The following SCRN3 variants were observed in gnomAD, a reference collection of about 807,000 sequenced individuals.
SCRN3 encodes secernin 3, also known as secernin-3.
In SCRN3, 39 loss-of-function variants were observed where a neutral mutation model predicts 43.1. The observed-to-expected ratio is 0.91, with a 90% CI of 0.70 to 1.18. The LOEUF (loss-of-function observed/expected upper bound fraction) is 1.18. Among genes scored for constraint, SCRN3 ranks in the 50% most tolerant of loss-of-function variants. The pLI is 0.00. For synonymous variants in SCRN3, 147 were observed against 163.1 expected (o/e 0.90, Z 0.75); for missense variants, 484 against 498.0 (o/e 0.97, Z 0.27).
chr2:174,422,308 C>T (rs1686318531), intron 5 of SCRN3, among the ~76,000 whole-genome samples: 3 of 152,108 alleles, frequency 2.0e-5, no homozygotes, highest in Non-Finnish European at 4.4e-5. Flanking sequence ...TGCAGTGGCT[C>T]ACACCTGTAA....
intron 4 of SCRN3, among the ~76,000 whole-genome samples, chr2:174,402,147 T>A (rs1221752906): frequency 6.6e-6 from 1 of 151,442 alleles, no homozygotes; most frequent in African/African-American, 2.5e-5. Context: ...GTAGTTAGAC[T>A]TTTTCTTTTT....
Position 174,427,793 on chromosome 2 carries a change from C to G in SCRN3, c.1173C>G (p.Asn391Lys). The G allele has an allele frequency of 6.2e-7, 1 of 1,611,694 alleles. No homozygotes were observed. The highest frequency in any genetic ancestry group is 2.2e-5 in the East Asian group (1 of 44,700). Reference protein sequence around the residue: ...LFREMESILQNKHLDVEKIVN... With the variant: ...LFREMESILQKKHLDVEKIVN... Reference sequence around the variant, plus strand: ...GAGAGATGGAATCAATCCTTCAAAACAAGCATCTTGATGTGGAGAAAATTG... The same window carrying G: ...GAGAGATGGAATCAATCCTTCAAAAGAAGCATCTTGATGTGGAGAAAATTG... Residue 391 changes from asparagine (N) to lysine (K), a missense_variant, in exon 8 of 8, where the codon AAC (asparagine) becomes AAG (lysine). Physicochemically the swap from Asn to Lys is moderately conservative, Grantham distance 94. Coordinates refer to ENST00000272732, the MANE Select transcript of SCRN3 (RefSeq NM_024583.5).
chr2:174,398,532 A>G, intron 2 of SCRN3, 90 bp downstream of exon 2: 1 of 1,137,226 alleles, frequency 8.8e-7, no homozygotes, highest in Non-Finnish European at 1.2e-6. Context: ...GAAACTGTAG[A>G]AGTTAAAATT....
At chr2:174,396,240 G>C (rs991803905) in intron 1 of SCRN3, 26 of 968,416 alleles carry the variant, frequency 2.7e-5, no homozygotes, top group Admixed American at 2.3e-4. Flanking sequence ...CGGTACTGGC[G>C]CCGAAAGACG....
chr2:174,426,771 C>CCAAAA (rs201684673), intron 7 of SCRN3, among the ~76,000 whole-genome samples: 25,334 of 151,324 alleles, frequency 0.17, 2,313 homozygotes, highest in South Asian at 0.28. Flanking sequence ...GACTCCATCT[C>CCAAAA]CAAAACAAAA....
chr2:174,398,468 C>A, intron 2 of SCRN3, 26 bp downstream of exon 2: 1 of 1,555,784 alleles, frequency 6.4e-7, no homozygotes, highest in Non-Finnish European at 8.6e-7. Flanking sequence ...GTTTTGTTAG[C>A]AATATGCCTT....
rs1045375989 is a variant in SCRN3, at chr2:174,398,324, C to A, written c.41C>A (p.Pro14Gln). The A allele has an allele frequency of 6.3e-7, 1 of 1,599,342 alleles. No individual in the cohort carries two copies. Among genetic ancestry groups the A allele is most frequent in the South Asian group, 1.1e-5 (1 of 87,188 alleles). ...FSCDTFVALP[P>Q]ATVDNRIIFG... ...TGTGACACTTTCGTGGCATTACCTC[C>A]AGCAACAGTCGATAACAGGATTATT... is the stretch of plus-strand genomic sequence containing the variant. The change falls in exon 2 of 8, where the codon CCA becomes CAA. Residue 14 changes from proline to glutamine, a missense_variant. Transcript: ENST00000272732.
At chr2:174,399,456 T>G (rs1685430208) in intron 2 of SCRN3, among the ~76,000 whole-genome samples, 1 of 152,234 alleles carries the variant, frequency 6.6e-6, no homozygotes, top group African/African-American at 2.4e-5. Context: ...CAAGAAACAC[T>G]GGATATTGAG....
At chr2:174,416,284 A>G (rs1013609319) in intron 5 of SCRN3, among the ~76,000 whole-genome samples, 4 of 152,184 alleles carry the variant, frequency 2.6e-5, no homozygotes, top group Non-Finnish European at 4.4e-5. Flanking sequence ...CAAAGTGGAC[A>G]GATTTGGCAT....
chr2:174,396,799 A>AAAAAC (rs935462790), intron 1 of SCRN3, among the ~76,000 whole-genome samples: 21 of 143,910 alleles, frequency 1.5e-4, no homozygotes, highest in Admixed American at 7.6e-4. Context: ...ACTCCATCAA[A>AAAAAC]AAAAAAAAAC....
chr2:174,402,828 C>T (rs1008372559), intron 4 of SCRN3, among the ~76,000 whole-genome samples: 1 of 152,078 alleles, frequency 6.6e-6, no homozygotes, highest in African/African-American at 2.4e-5. Context: ...TTGATTTTTA[C>T]TTGACAGACT....
chr2:174,414,657 A>G (rs76910589), intron 5 of SCRN3, among the ~76,000 whole-genome samples: 3,051 of 152,204 alleles, frequency 0.02, 93 homozygotes, highest in African/African-American at 0.069. Flanking sequence ...TACTTTAGCT[A>G]TCAAATCCCT....
At chr2:174,396,802 AAAAAAAC>A (rs893864590) in intron 1 of SCRN3, among the ~76,000 whole-genome samples, 1 of 143,484 alleles carries the variant, frequency 7.0e-6, no homozygotes, top group South Asian at 2.1e-4. Flanking sequence ...CCATCAAAAA[AAAAAAAC>A]AAAAAACGAA....
Position 174,424,591 on chromosome 2 carries a change from G to A in SCRN3, c.1034G>A (p.Arg345Lys). ...VKKKSHFKPD[R>K]RHPLYQKHQQ... ...AAGAAATCACATTTTAAGCCTGACA[G>A]AAGACACCCACTCTACCAAAAACAT... The change falls in exon 7 of 8, where the codon AGA becomes AAA. Residue 345 changes from arginine to lysine, a missense_variant. Transcript: ENST00000272732. 6.2e-7 allele frequency: 1 copy of A among 1,613,306 alleles called. No individual in the cohort carries two copies. Among genetic ancestry groups the A allele is most frequent in the Non-Finnish European group, 8.5e-7 (1 of 1,179,632 alleles).
intron 4 of SCRN3, among the ~76,000 whole-genome samples, chr2:174,403,031 T>A (rs937087824): frequency 8.6e-5 from 13 of 151,696 alleles, no homozygotes; most frequent in South Asian, 2.1e-4. Flanking sequence ...TTTAAAAAAA[T>A]TTATAGAAAG....
chr2:174,414,866 C>T (rs1049924651), intron 5 of SCRN3, among the ~76,000 whole-genome samples: 3 of 150,734 alleles, frequency 2.0e-5, no homozygotes, highest in Non-Finnish European at 2.9e-5. Context: ...TGGATTCCAG[C>T]GATTCTCCTG....
intron 5 of SCRN3, among the ~76,000 whole-genome samples, chr2:174,411,592 T>TA (rs1256359733): frequency 6.6e-6 from 1 of 152,186 alleles, no homozygotes; most frequent in Non-Finnish European, 1.5e-5. Flanking sequence ...TTCAAGTTTT[T>TA]AAAAAATCGT....
intron 7 of SCRN3, among the ~76,000 whole-genome samples, chr2:174,424,866 T>A (rs1187837434): frequency 6.6e-6 from 1 of 152,202 alleles, no homozygotes; most frequent in Non-Finnish European, 1.5e-5. Context: ...TTAAACATAA[T>A]AATAATAGCT....
Position 174,422,964 on chromosome 2 carries a change from C to G in SCRN3, c.834C>G (p.Thr278=), listed in dbSNP as rs1455816461. Residue 278 remains threonine (T), a synonymous_variant, in exon 6 of 8, where the codon ACC becomes ACG. Coordinates refer to ENST00000272732, the MANE Select transcript of SCRN3 (RefSeq NM_024583.5). ...SGINMEGEFL[T]TASMVSILPQ... The stretch of plus-strand genomic sequence containing the variant: ...TTAATATGGAGGGAGAATTCCTGAC[C>G]ACTGCAAGCATGGTTTCTATTTTAC... 1.2e-6 allele frequency: 2 copies of G among 1,613,052 alleles called. No homozygotes were observed. The highest frequency in any genetic ancestry group is 4.5e-5 in the East Asian group (2 of 44,848).
Sources: gnomAD v4.1 joint callset for allele counts (sites outside exome capture counted in the v4.1 genomes callset) on GRCh38, gnomAD v4.1.1 for gene constraint, MANE v1.5 for transcripts, NCBI Gene and HGNC (gene_info 2026-07-23, HGNC 2026-07-21) for gene names.